Variants in SDK1 observed in about 807,000 individuals in gnomAD.
SDK1 encodes protein sidekick-1.
In SDK1, 157 loss-of-function variants were observed where a neutral mutation model predicts 245.5. The observed-to-expected ratio is 0.64, with a 90% CI of 0.56 to 0.73. The LOEUF is 0.73. SDK1 is among the 30% of genes least tolerant of loss of function. SDK1 has a pLI of 0.00. For synonymous variants in SDK1, 1,647 were observed against 1,278.5 expected, an observed-to-expected ratio of 1.29 and a Z score of -6.15; for missense variants, 3,583 against 3,002.3, an observed-to-expected ratio of 1.19 and a Z score of -4.52.
intron 4 of SDK1, among the ~76,000 whole-genome samples, chr7:3,727,714 C>A (rs1014241746): frequency 6.6e-6 from 1 of 152,152 alleles, no homozygotes; most frequent in East Asian, 1.9e-4. Context: ...TGGTCTCGAA[C>A]TCCTGACCTC....
At chr7:3,575,938 G>C (rs1780272964) in intron 1 of SDK1, among the ~76,000 whole-genome samples, 1 of 151,962 alleles carries the variant, frequency 6.6e-6, no homozygotes, top group South Asian at 2.1e-4. Context: ...TCTCTGTTCT[G>C]TTCTTCCCCA....
At chr7:4,253,749 G>T (rs532531144) in intron 44 of SDK1, among the ~76,000 whole-genome samples, 2 of 152,232 alleles carry the variant, frequency 1.3e-5, no homozygotes, top group South Asian at 2.1e-4. Context: ...TGAATTGTCT[G>T]TGTCTCCCTT....
intron 1 of SDK1, among the ~76,000 whole-genome samples, chr7:3,378,440 C>G: frequency 6.6e-6 from 1 of 152,104 alleles, no homozygotes; most frequent in Non-Finnish European, 1.5e-5. Context: ...TGCGTTTCTT[C>G]GAGCATATTC....
intron 14 of SDK1, among the ~76,000 whole-genome samples, chr7:3,989,645 C>G (rs1449696460): frequency 6.6e-6 from 1 of 152,148 alleles, no homozygotes; most frequent in Non-Finnish European, 1.5e-5. Flanking sequence ...TCCCCTGAAA[C>G]CCAGCTCCCC....
At chr7:3,989,567 A>G (rs1011290758) in intron 14 of SDK1, among the ~76,000 whole-genome samples, 5 of 151,972 alleles carry the variant, frequency 3.3e-5, no homozygotes, top group East Asian at 1.9e-4. Context: ...TTGTCTCTGG[A>G]TGATACTGGT....
At chr7:3,949,450 C>T (rs1362198882) in intron 5 of SDK1, among the ~76,000 whole-genome samples, 1 of 152,220 alleles carries the variant, frequency 6.6e-6, no homozygotes, top group African/African-American at 2.4e-5. Flanking sequence ...CCGCGGCCCT[C>T]ACCCCACCGC....
At position 3,730,625 on chromosome 7, in the gene SDK1, A is replaced by G. The variant is rs1262255349; in HGVS notation, c.713+88520A>G. ...TCACAAATGGCTTTTTTCTCTGGGA[A>G]GGAAGCCAGTGGTGTGTGAGTTGTG... On this transcript the variant is annotated intron_variant, in intron 4 of 44. Coordinates refer to ENST00000404826, the MANE Select transcript of SDK1 (RefSeq NM_152744.4). Among the ~76,000 whole-genome samples, 7 of 152,232 alleles carry G rather than the reference A, an allele frequency of 4.6e-5. No individual in the cohort carries two copies. The South Asian group carries it at 1.0e-3, about 23-fold the overall frequency.
At chr7:3,498,391 A>T (rs1006493332) in intron 1 of SDK1, among the ~76,000 whole-genome samples, 2 of 152,180 alleles carry the variant, frequency 1.3e-5, no homozygotes, top group Non-Finnish European at 2.9e-5. Flanking sequence ...TGAGCTCATT[A>T]CCTGACCTTT....
chr7:3,732,728 A>G (rs937565436), intron 4 of SDK1, among the ~76,000 whole-genome samples: 4 of 152,230 alleles, frequency 2.6e-5, no homozygotes, highest in African/African-American at 9.6e-5. Flanking sequence ...TTGGTGACAG[A>G]GAGGGTACGA....
chr7:3,590,778 CTTTTTTTTTTT>C (rs34165148), intron 1 of SDK1, among the ~76,000 whole-genome samples: 1 of 115,232 alleles, frequency 8.7e-6, no homozygotes, highest in Admixed American at 9.1e-5. Context: ...GAGTATAGCA[CTTTTTTTTTTT>C]TTTTTTTTTT....
At chr7:4,106,510 A>T (rs1322226928) in intron 22 of SDK1, among the ~76,000 whole-genome samples, 2 of 151,744 alleles carry the variant, frequency 1.3e-5, no homozygotes, top group African/African-American at 4.8e-5. Context: ...GTTGGCCAGG[A>T]TGGTCTCAAT....
At chr7:4,053,417 T>C (rs908277277) in intron 19 of SDK1, among the ~76,000 whole-genome samples, 1 of 152,152 alleles carries the variant, frequency 6.6e-6, no homozygotes, top group Non-Finnish European at 1.5e-5. Flanking sequence ...TCCGTCATCC[T>C]GTTCCCTTCT....
chr7:3,955,048 C>T (rs923409043), intron 7 of SDK1, among the ~76,000 whole-genome samples: 1 of 152,154 alleles, frequency 6.6e-6, no homozygotes. Flanking sequence ...TCCCTCCGAG[C>T]CACGCCTTCT....
chr7:3,644,793 C>CAAAAAA (rs59276438), intron 4 of SDK1, among the ~76,000 whole-genome samples: 12,816 of 106,566 alleles, frequency 0.12, 1,354 homozygotes, highest in South Asian at 0.19. Context: ...AAAAAAAAAA[C>CAAAAAA]AAAAAACAAC....
chr7:3,388,798 CGT>C (rs1562456910), intron 1 of SDK1, among the ~76,000 whole-genome samples: 1 of 152,024 alleles, frequency 6.6e-6, no homozygotes, highest in African/African-American at 2.4e-5. Context: ...ACTAAGTCAA[CGT>C]GTGTTTATCG....
intron 5 of SDK1, among the ~76,000 whole-genome samples, chr7:3,864,397 G>A (rs767314872): frequency 1.2e-4 from 19 of 152,172 alleles, no homozygotes; most frequent in Non-Finnish European, 2.4e-4. Flanking sequence ...GTTGTTGTGG[G>A]CAGAGATTCA....
chr7:3,696,925 A>C (rs960437812), intron 4 of SDK1, among the ~76,000 whole-genome samples: 6 of 152,056 alleles, frequency 3.9e-5, no homozygotes, highest in Admixed American at 3.3e-4. Flanking sequence ...AAAAAAACTC[A>C]TAAGTAATAC....
intron 35 of SDK1, among the ~76,000 whole-genome samples, chr7:4,183,788 A>G (rs931569037): frequency 6.6e-6 from 1 of 152,166 alleles, no homozygotes; most frequent in Admixed American, 6.5e-5. Flanking sequence ...GGGAAGGACC[A>G]TTATCAGCCT....
chr7:3,387,092 C>T (rs185030346), intron 1 of SDK1, among the ~76,000 whole-genome samples: 16 of 152,252 alleles, frequency 1.1e-4, no homozygotes, highest in Middle Eastern at 3.4e-3. Context: ...TTGGCTGACA[C>T]GCCTCTGAAC....
Sources: allele counts gnomAD v4.1 joint callset (sites outside exome capture counted in the v4.1 genomes callset), GRCh38; gene constraint gnomAD v4.1.1; transcripts MANE v1.5; gene names NCBI Gene and HGNC (gene_info 2026-07-23, HGNC 2026-07-21).